PRMT9: variants seen among roughly 807,000 people sequenced by gnomAD.
The protein encoded by PRMT9 is protein arginine methyltransferase 9, also known as protein arginine N-methyltransferase 9.
A neutral mutation model predicts 83.2 loss-of-function variants in PRMT9; 59 were observed. The observed-to-expected ratio is 0.71, with a 90% CI of 0.57 to 0.88. The LOEUF (loss-of-function observed/expected upper bound fraction) is 0.88, where lower values mean the gene tolerates loss of function less well. Ranked by LOEUF, PRMT9 falls within the 40% of genes least tolerant of loss-of-function variation. The pLI, the probability that PRMT9 is intolerant of heterozygous loss-of-function variation, is 0.00. For missense variants in PRMT9, 947 were observed against 1,021.9 expected, an observed-to-expected ratio of 0.93 and a Z score of 1.00; for synonymous variants, 333 against 353.2, an observed-to-expected ratio of 0.94 and a Z score of 0.64.
At chr4:147,661,117 GA>G in intron 6 of PRMT9, 79 bp from the exon 7 acceptor site, 3 of 900,280 alleles carry the variant, frequency 3.3e-6, no homozygotes, top group Admixed American at 1.9e-5. Flanking sequence ...ACTGAGTCCA[GA>G]AAAAAATACA....
chr4:147,653,817 AAAAC>A (rs1734285109), intron 9 of PRMT9, 31 bp downstream of exon 9: 4 of 1,528,678 alleles, frequency 2.6e-6, no homozygotes, highest in Admixed American at 3.6e-5. Flanking sequence ...CCTCAAAAAA[AAAAC>A]AAAGCCAAAA....
At chr4:147,661,676 G>A (rs1312201183) in intron 6 of PRMT9, among the ~76,000 whole-genome samples, 1 of 149,476 alleles carries the variant, frequency 6.7e-6, no homozygotes, top group Non-Finnish European at 1.5e-5. Context: ...TGTAGTTCCA[G>A]CTACTTGGAA....
chr4:147,671,822 T>G, intron 4 of PRMT9: 1 of 455,776 alleles, frequency 2.2e-6, no homozygotes, highest in South Asian at 1.6e-5. Context: ...TTAAGGTAAC[T>G]TTGATTCATG....
intron 1 of PRMT9, 145 bp downstream of exon 1, chr4:147,683,654 G>A: frequency 1.2e-6 from 1 of 804,864 alleles, no homozygotes; most frequent in Non-Finnish European, 2.1e-6. Context: ...GGATCGGCCA[G>A]CAAGTGAGAA....
intron 1 of PRMT9, among the ~76,000 whole-genome samples, chr4:147,683,221 G>A (rs1736609828): frequency 6.6e-6 from 1 of 152,054 alleles, no homozygotes; most frequent in African/African-American, 2.4e-5. Context: ...CTCAAGCCAG[G>A]GCATGCTTAA....
chr4:147,657,544 A>G (rs1007094394), intron 8 of PRMT9, among the ~76,000 whole-genome samples: 1 of 151,990 alleles, frequency 6.6e-6, no homozygotes, highest in African/African-American at 2.4e-5. Flanking sequence ...AAAAGAAAAA[A>G]GAAAAATCAG....
At chr4:147,650,348 A>G (rs1734011610) in intron 9 of PRMT9, among the ~76,000 whole-genome samples, 1 of 152,224 alleles carries the variant, frequency 6.6e-6, no homozygotes, top group Non-Finnish European at 1.5e-5. Context: ...CAAAATAAAC[A>G]TGCAAAAATC....
chr4:147,658,014 T>C (rs2126603531), intron 7 of PRMT9, 39 bp from the exon 8 acceptor site: 1 of 1,341,884 alleles, frequency 7.5e-7, no homozygotes, highest in South Asian at 1.2e-5. Flanking sequence ...GTTTTATATA[T>C]TTCATATATA....
At chr4:147,657,126 A>G (rs1334669092) in intron 8 of PRMT9, among the ~76,000 whole-genome samples, 1 of 152,164 alleles carries the variant, frequency 6.6e-6, no homozygotes, top group East Asian at 1.9e-4. Context: ...AGGGCTCCAC[A>G]GACGTTATCG....
chr4:147,668,339 G>C (rs1735484799), intron 6 of PRMT9, among the ~76,000 whole-genome samples, 200 bp downstream of exon 6: 1 of 150,560 alleles, frequency 6.6e-6, no homozygotes, highest in Non-Finnish European at 1.5e-5. Flanking sequence ...GTCTCGTGCT[G>C]TCTCTCTCTC....
rs949548038 is a variant in PRMT9, at chr4:147,671,495, T to G, written c.744-752A>C. The stretch of plus-strand genomic sequence containing the variant: ...TGCCAGTATCACTCATTTATGTAGT[T>G]AGAAGATAAGAAAAGTTTCATGAAT... On this transcript the variant is annotated intron_variant, in intron 4 of 11. Coordinates refer to ENST00000322396, the MANE Select transcript of PRMT9 (RefSeq NM_138364.4). Among the ~76,000 whole-genome samples the G allele has an allele frequency of 7.2e-5, 11 of 152,366 alleles. No homozygotes were observed. The South Asian group carries it at 2.3e-3, about 32-fold the overall frequency.
chr4:147,667,282 C>T (rs751505268), intron 6 of PRMT9, among the ~76,000 whole-genome samples: 7 of 152,120 alleles, frequency 4.6e-5, no homozygotes, highest in Non-Finnish European at 7.4e-5. Flanking sequence ...TTCTTAAAAG[C>T]AGAAAAGTGG....
At position 147,673,750 on chromosome 4, in the gene PRMT9, T is replaced by C; in HGVS notation, c.463A>G (p.Ile155Val). ...TTCCTCTTGGTGTCATTAAGCATGA[T>C]AAAGTGCCAGCGTTCCACCAACCAG... is the stretch of plus-strand genomic sequence containing the variant. ...ANWLVERWHFIMLNDTKRNTI... is the reference protein window; with the variant it reads ...ANWLVERWHFVMLNDTKRNTI... The change falls in exon 3 of 12, where the codon ATC (isoleucine) becomes GTC (valine). Residue 155 changes from isoleucine (I) to valine (V), a missense_variant. Transcript: ENST00000322396. 1 of 1,614,060 alleles carries C rather than the reference T, an allele frequency of 6.2e-7. No individual in the cohort carries two copies. Among genetic ancestry groups the C allele is most frequent in the Non-Finnish European group, 8.5e-7 (1 of 1,179,908 alleles).
Position 147,657,963 on chromosome 4 carries a change from G to T in PRMT9, c.1159C>A (p.Leu387Ile), listed in dbSNP as rs750723678. The change falls in exon 8 of 12, where the codon CTT becomes ATT. Residue 387 changes from leucine (L) to isoleucine (I), a missense_variant. Coordinates refer to ENST00000322396, the MANE Select transcript of PRMT9 (RefSeq NM_138364.4). ...ATCTTATCAGGCTTTTTAGTTGCAAGACTTTTTAATTCCTGAGAAAAATGT... is the reference window on the plus strand; with the variant it reads ...ATCTTATCAGGCTTTTTAGTTGCAATACTTTTTAATTCCTGAGAAAAATGT... ...DFNNLQELKS[L>I]ATKKPDKIGI... 6.3e-7 allele frequency: 1 copy of T among 1,598,930 alleles called. No homozygotes were observed. Among genetic ancestry groups the T allele is most frequent in the African/African-American group, 1.4e-5 (1 of 73,082 alleles).
rs537933358 is a variant in PRMT9, at chr4:147,658,061, T to C, written c.1147-86A>G. 5.1e-5 allele frequency: 47 copies of C among 928,600 alleles called. No individual in the cohort carries two copies. The South Asian group carries it at 6.1e-4, about 12-fold the overall frequency. 57.5% of individuals were successfully genotyped at this position (928,600 alleles called of 1,614,324 possible). A position where few individuals can be genotyped will look rare whatever the true frequency, so the allele number is the denominator to read the frequency against. On this transcript the variant is annotated intron_variant, in intron 7 of 11. Transcript: ENST00000322396. ...ATCTTACCATTTTCCATCTCTGGAG[T>C]TCTTAGTCCTGCCCAGCTCCCTTAG...
intron 10 of PRMT9, among the ~76,000 whole-genome samples, chr4:147,639,547 C>T (rs931786905): frequency 6.6e-6 from 1 of 152,152 alleles, no homozygotes; most frequent in Non-Finnish European, 1.5e-5. Context: ...CAGTGGCTCT[C>T]AATCTTGGCT....
intron 9 of PRMT9, among the ~76,000 whole-genome samples, chr4:147,648,092 C>T (rs1733846758): frequency 6.6e-6 from 1 of 152,190 alleles, no homozygotes; most frequent in Admixed American, 6.5e-5. Flanking sequence ...ATCTGGTCTT[C>T]ATCTTGTTTC....
At chr4:147,642,305 C>G (rs1733456208) in intron 10 of PRMT9, among the ~76,000 whole-genome samples, 1 of 151,898 alleles carries the variant, frequency 6.6e-6, no homozygotes, top group South Asian at 2.1e-4. Context: ...GTGGCACGAT[C>G]TCGGCTCACT....
chr4:147,658,005 T>C, intron 7 of PRMT9, 30 bp from the exon 8 acceptor site: 4 of 1,429,360 alleles, frequency 2.8e-6, no homozygotes, highest in Non-Finnish European at 3.9e-6. Flanking sequence ...AATGAAACGG[T>C]TTTATATATT....
Sources: allele counts gnomAD v4.1 joint callset (sites outside exome capture counted in the v4.1 genomes callset), GRCh38; gene constraint gnomAD v4.1.1; transcripts MANE v1.5; gene names NCBI Gene and HGNC (gene_info 2026-07-23, HGNC 2026-07-21).